The following PSMC5 variants were observed in gnomAD, a reference collection of about 807,000 sequenced individuals.
PSMC5 encodes the protein 26S proteasome regulatory subunit 8.
A neutral mutation model predicts 49.1 loss-of-function variants in PSMC5; 11 were observed. The ratio of observed to expected loss-of-function variants is 0.22; its 90% CI spans 0.14 to 0.37. The LOEUF is 0.37. Among genes scored for constraint, PSMC5 ranks in the 10% least tolerant of loss-of-function variants. The pLI is 1.00. For synonymous variants in PSMC5, 206 were observed against 192.2 expected, an observed-to-expected ratio of 1.07 and a Z score of -0.59; for missense variants, 229 against 520.9, an observed-to-expected ratio of 0.44 and a Z score of 5.45.
At chr17:63,829,586 C>T (rs1430283613) in intron 3 of PSMC5, 23 bp downstream of exon 3, 29 of 1,551,648 alleles carry the variant, frequency 1.9e-5, no homozygotes, top group Non-Finnish European at 2.4e-5. Flanking sequence ...AGATGGGAAG[C>T]CGCATGTGGG....
At chr17:63,828,388 C>G in intron 2 of PSMC5, 179 bp downstream of exon 2, 1 of 599,324 alleles carries the variant, frequency 1.7e-6, no homozygotes, top group South Asian at 2.1e-5. Flanking sequence ...TTGTTCTCCT[C>G]CAGTCCCATC....
Position 63,831,931 on chromosome 17 carries a change from A to G in PSMC5, c.1183A>G (p.Ser395Gly). 6.2e-7 allele frequency: 1 copy of G among 1,614,076 alleles called. No individual in the cohort carries two copies. Among genetic ancestry groups the G allele is most frequent in the Middle Eastern group, 1.6e-4 (1 of 6,062 alleles). Residue 395 changes from serine (S) to glycine (G), a missense_variant, in exon 12 of 12, where the codon AGT becomes GGT. By Grantham distance (56) the Ser-to-Gly change is moderately conservative. Coordinates refer to ENST00000310144, the MANE Select transcript of PSMC5 (RefSeq NM_002805.6). The surrounding 1 kb of genome is among the most constrained non-coding windows in gnomAD (Gnocchi z 6.3). ...CCACCCCTAGGTCATGCAGAAGGAC[A>G]GTGAGAAAAACATGTCCATCAAGAA... ...MAVAKVMQKD[S>G]EKNMSIKKLW...
In PSMC5 at chr17:63,830,277, C is replaced by A; in HGVS notation, c.328C>A (p.Pro110Thr). 1 of 1,614,098 alleles carries A rather than the reference C, an allele frequency of 6.2e-7. No individual in the cohort carries two copies. Among genetic ancestry groups the A allele is most frequent in the Non-Finnish European group, 8.5e-7 (1 of 1,180,024 alleles). Reference sequence around the variant, plus strand: ...ACTCGCCCCCTTCACCCAGGTGACACCCAATTGCCGGGTGGCTCTAAGGAA... The same window carrying A: ...ACTCGCCCCCTTCACCCAGGTGACAACCAATTGCCGGGTGGCTCTAAGGAA... ...DKNIDINDVT[P>T]NCRVALRNDS... The change falls in exon 6 of 12, where the codon CCC becomes ACC. Residue 110 changes from proline to threonine, a missense_variant. Physicochemically the swap from Pro to Thr is conservative, Grantham distance 38. Transcript: ENST00000310144. This position sits in a 1 kb window ranked among gnomAD's most constrained non-coding sequence, Gnocchi z 4.0.
chr17:63,829,110 T>C (rs921585579), intron 2 of PSMC5: 1 of 193,660 alleles, frequency 5.2e-6, no homozygotes, highest in East Asian at 1.4e-4. Flanking sequence ...AAAAATAGAT[T>C]GTCTTACCTT....
Position 63,830,954 on chromosome 17 carries a change from G to T in PSMC5, c.679+19G>T. On this transcript the variant is annotated intron_variant, in intron 7 of 11. Transcript: ENST00000310144. The surrounding 1 kb of genome is among the most constrained non-coding windows in gnomAD (Gnocchi z 4.0). ...GGGGAAGGTAACCATGGCTAGCAAT[G>T]TGAGAAGCAAGAGGTAGGGGTAGGG... is the stretch of plus-strand genomic sequence containing the variant. 1 of 1,614,062 alleles carries T rather than the reference G, an allele frequency of 6.2e-7. No individual in the cohort carries two copies. Among genetic ancestry groups the T allele is most frequent in the South Asian group, 1.1e-5 (1 of 91,080 alleles).
At chr17:63,827,970 G>C in intron 1 of PSMC5, 168 bp from the exon 2 acceptor site, 1 of 1,275,658 alleles carries the variant, frequency 7.8e-7, no homozygotes, top group Non-Finnish European at 1.1e-6. Flanking sequence ...GAAAATGGAG[G>C]GTTCCAAGGG....
At position 63,831,441 on chromosome 17, in the gene PSMC5, T is replaced by C. The variant is rs746554205; in HGVS notation, c.969+16T>C. The C allele has an allele frequency of 6.8e-6, 11 of 1,613,226 alleles. No individual in the cohort carries two copies. Among genetic ancestry groups the C allele is most frequent in the Non-Finnish European group, 9.3e-6 (11 of 1,179,354 alleles). On this transcript the variant is annotated intron_variant, in intron 9 of 11. Coordinates refer to ENST00000310144, the MANE Select transcript of PSMC5 (RefSeq NM_002805.6). The surrounding 1 kb of genome is among the most constrained non-coding windows in gnomAD (Gnocchi z 6.3). ...CAATGAGGAGGTTTGTGATGGACAC[T>C]GTGCAAAGTGGCTCTGGCTGTGGGG...
In PSMC5 at chr17:63,831,695, T is replaced by TG; in HGVS notation, c.1081-25dup. The TG allele has an allele frequency of 6.2e-7, 1 of 1,613,930 alleles. No individual in the cohort carries two copies. Among genetic ancestry groups the TG allele is most frequent in the Non-Finnish European group, 8.5e-7 (1 of 1,179,826 alleles). ...GGGCCACAGATGAGGGGCACAGCAG[T>TG]GGGGCCTCAATTTCCTTTTCCTGTT... is the stretch of plus-strand genomic sequence containing the variant. On this transcript the variant is annotated intron_variant, in intron 10 of 11. Transcript: ENST00000310144. This position sits in a 1 kb window ranked among gnomAD's most constrained non-coding sequence, Gnocchi z 6.3.
rs527399477 is a variant in PSMC5, at chr17:63,827,948, T to C, written c.25-190T>C. The C allele has an allele frequency of 5.3e-6, 7 of 1,313,774 alleles. No individual in the cohort carries two copies. The South Asian group carries it at 1.1e-4, about 20-fold the overall frequency. 81.4% of individuals were successfully genotyped at this position (1,313,774 alleles called of 1,614,324 possible). On this transcript the variant is annotated intron_variant, in intron 1 of 11. Transcript: ENST00000310144. Reference sequence around the variant, plus strand: ...GGTAGGCGGCGTTCCCATTCTTTTATTTTAGTCCTGGGAAAATGGAGGGTT... The same window carrying C: ...GGTAGGCGGCGTTCCCATTCTTTTACTTTAGTCCTGGGAAAATGGAGGGTT...
chr17:63,831,385 G>A lies in PSMC5; in HGVS notation c.929G>A (p.Arg310His). The change falls in exon 9 of 12, where the codon CGC becomes CAC. Residue 310 changes from arginine to histidine, a missense_variant. Around this residue, in one of 4 missense-constraint regions of PSMC5, gnomAD observed 121 missense variants for 330.6 expected, o/e 0.37. Transcript: ENST00000310144. The surrounding 1 kb of genome is among the most constrained non-coding windows in gnomAD (Gnocchi z 6.3). ...GACTCGGCACTGCTTCGCCCAGGGC[G>A]CATTGACAGAAAAATTGAATTCCCA... ...ILDSALLRPG[R>H]IDRKIEFPPP... The A allele has an allele frequency of 3.1e-6, 5 of 1,613,948 alleles. No individual in the cohort carries two copies. The highest frequency in any genetic ancestry group is 1.3e-5 in the African/African-American group (1 of 75,032).
chr17:63,830,205 G>A lies in PSMC5; in HGVS notation c.321+16G>A, dbSNP rs759302039. 1.4e-5 allele frequency: 22 copies of A among 1,613,988 alleles called. No individual in the cohort carries two copies. Among genetic ancestry groups the A allele is most frequent in the Non-Finnish European group, 1.7e-5 (20 of 1,179,990 alleles). On this transcript the variant is annotated intron_variant, in intron 5 of 11. Coordinates refer to ENST00000310144, the MANE Select transcript of PSMC5 (RefSeq NM_002805.6). This position sits in a 1 kb window ranked among gnomAD's most constrained non-coding sequence, Gnocchi z 4.0. ...CATCAATGATGTGAGTGTAGCAGGT[G>A]AGGTGGTGGTGGTGGTGGGGTCAGC...
In PSMC5 at chr17:63,831,890, A is replaced by C. The variant is rs760303197; in HGVS notation, c.1168-26A>C. The C allele has an allele frequency of 6.2e-7, 1 of 1,613,510 alleles. No individual in the cohort carries two copies. The highest frequency in any genetic ancestry group is 1.1e-5 in the South Asian group (1 of 91,066). ...AGGGCATGTGTGTGTTCGTAACTTA[A>C]TGTTCATTCTCTCTCCCACCCCTAG... On this transcript the variant is annotated intron_variant, in intron 11 of 11. Transcript: ENST00000310144. The surrounding 1 kb of genome is among the most constrained non-coding windows in gnomAD (Gnocchi z 6.3).
rs1280161518 is a variant in PSMC5 at position 63,829,511 on chromosome 17, G to T, written c.114G>T (p.Lys38Asn). The T allele has an allele frequency of 6.4e-7, 1 of 1,555,094 alleles. No individual in the cohort carries two copies. The highest frequency in any genetic ancestry group is 8.7e-7 in the Non-Finnish European group (1 of 1,148,806). Reference protein sequence around the residue: ...IEELQLIVNDKSQNLRRLQAQ... With the variant: ...IEELQLIVNDNSQNLRRLQAQ... ...TGCCACAGCTGATTGTGAATGATAAGAGCCAAAACCTCCGGAGGCTGCAGG... is the reference window on the plus strand; with the variant it reads ...TGCCACAGCTGATTGTGAATGATAATAGCCAAAACCTCCGGAGGCTGCAGG... Residue 38 changes from lysine (K) to asparagine (N), a missense_variant, in exon 3 of 12, where the codon AAG becomes AAT. Transcript: ENST00000310144.
intron 1 of PSMC5, 76 bp downstream of exon 1, chr17:63,827,590 G>GC (rs1306313366): frequency 6.4e-7 from 1 of 1,550,816 alleles, no homozygotes; most frequent in Non-Finnish European, 8.7e-7. Context: ...TGGAGAGCGG[G>GC]CCGGGGCAGG....
rs200165127 is a variant in PSMC5 at position 63,828,196 on chromosome 17, T to C, written c.83T>C (p.Ile28Thr). 1.2e-6 allele frequency: 2 copies of C among 1,614,046 alleles called. No homozygotes were observed. The highest frequency in any genetic ancestry group is 1.7e-4 in the Middle Eastern group (1 of 6,052). ...SGLRQYYLSK[I>T]EELQLIVNDK... ...CTCCGCCAATATTATCTGTCCAAGA[T>C]TGAAGAACTCCAGGTGAGGACGGAC... The change falls in exon 2 of 12, where the codon ATT becomes ACT. Residue 28 changes from isoleucine to threonine, a missense_variant. By Grantham distance (89) the Ile-to-Thr change is moderately conservative. Transcript: ENST00000310144.
At position 63,830,306 on chromosome 17, in the gene PSMC5, C is replaced by T. The variant is rs769206848; in HGVS notation, c.357C>T (p.Asp119=). 11 of 1,614,218 alleles carry T rather than the reference C, an allele frequency of 6.8e-6. No homozygotes were observed. Among genetic ancestry groups the T allele is most frequent in the Non-Finnish European group, 9.3e-6 (11 of 1,180,044 alleles). ...ATTGCCGGGTGGCTCTAAGGAATGA[C>T]AGCTACACTCTGCACAAGATCCTGC... The part of the protein sequence containing the change: ...TPNCRVALRN[D]SYTLHKILPN... Residue 119 remains aspartate, a synonymous_variant, in exon 6 of 12, where the codon GAC becomes GAT. Coordinates refer to ENST00000310144, the MANE Select transcript of PSMC5 (RefSeq NM_002805.6). The surrounding 1 kb of genome is among the most constrained non-coding windows in gnomAD (Gnocchi z 4.0).
In PSMC5 at chr17:63,830,941, C is replaced by T; in HGVS notation, c.679+6C>T. ...ACAGAAATTCATAGGGGAAGGTAAC[C>T]ATGGCTAGCAATGTGAGAAGCAAGA... On this transcript the variant is annotated splice_donor_region_variant and intron_variant, in intron 7 of 11. Coordinates refer to ENST00000310144, the MANE Select transcript of PSMC5 (RefSeq NM_002805.6). This position sits in a 1 kb window ranked among gnomAD's most constrained non-coding sequence, Gnocchi z 4.0. 2 of 1,613,930 alleles carry T rather than the reference C, an allele frequency of 1.2e-6. No individual in the cohort carries two copies. The highest frequency in any genetic ancestry group is 1.7e-6 in the Non-Finnish European group (2 of 1,179,942).
chr17:63,829,702 C>T (rs958287432), intron 3 of PSMC5, 139 bp downstream of exon 3: 2 of 1,211,542 alleles, frequency 1.7e-6, no homozygotes, highest in Non-Finnish European at 2.4e-6. Context: ...ATCTCTTTTT[C>T]CTGAGCCCTA....
In PSMC5 at chr17:63,831,563, A is replaced by C. The variant is rs1464523684; in HGVS notation, c.1027A>C (p.Asn343His). The C allele has an allele frequency of 6.2e-7, 1 of 1,614,032 alleles. No individual in the cohort carries two copies. The highest frequency in any genetic ancestry group is 2.2e-5 in the East Asian group (1 of 44,880). Residue 343 changes from asparagine (N) to histidine (H), a missense_variant, in exon 10 of 12, where the codon AAC becomes CAC. Asn to His is a moderately conservative substitution (Grantham distance 68). Coordinates refer to ENST00000310144, the MANE Select transcript of PSMC5 (RefSeq NM_002805.6). The surrounding 1 kb of genome is among the most constrained non-coding windows in gnomAD (Gnocchi z 6.3). Reference sequence around the variant, plus strand: ...GAAGATGAACCTGACCCGGGGGATCAACCTGAGAAAAATTGCTGAGCTCAT... The same window carrying C: ...GAAGATGAACCTGACCCGGGGGATCCACCTGAGAAAAATTGCTGAGCTCAT... Reference protein sequence around the residue: ...SRKMNLTRGINLRKIAELMPG... With the variant: ...SRKMNLTRGIHLRKIAELMPG...
Sources: allele counts gnomAD v4.1 joint callset, GRCh38; gene constraint gnomAD v4.1.1; regional missense constraint gnomAD v4.1.1; non-coding constraint Gnocchi (gnomAD v3.1); transcripts MANE v1.5; gene names NCBI Gene and HGNC (gene_info 2026-07-23, HGNC 2026-07-21).